Variants in CNTNAP4 observed in about 807,000 individuals in gnomAD.
The protein encoded by CNTNAP4 is contactin-associated protein-like 4.
Under a neutral mutation model 148.4 loss-of-function variants are expected in CNTNAP4, and 98 were observed. The ratio of observed to expected loss-of-function variants is 0.66; its 90% CI spans 0.56 to 0.78. CNTNAP4 has a LOEUF of 0.78. CNTNAP4 is among the 30% of genes least tolerant of loss of function. The pLI, the probability that CNTNAP4 is intolerant of heterozygous loss-of-function variation, is 0.00. For synonymous variants in CNTNAP4, 730 were observed against 565.1 expected (o/e 1.29, Z -4.14); for missense variants, 1,935 against 1,565.6 (o/e 1.24, Z -3.98).
intron 3 of CNTNAP4, among the ~76,000 whole-genome samples, chr16:76,424,012 A>G (rs2079286197): frequency 6.6e-6 from 1 of 152,098 alleles, no homozygotes; most frequent in African/African-American, 2.4e-5. Context: ...CCAACCTCAC[A>G]ATTTTCCTTA....
intron 15 of CNTNAP4, among the ~76,000 whole-genome samples, chr16:76,515,010 G>C (rs1294897392): frequency 2.0e-5 from 3 of 152,074 alleles, no homozygotes; most frequent in African/African-American, 4.8e-5. Context: ...ATTTCCTGTA[G>C]GGCTAGGAAA....
At chr16:76,474,190 C>T (rs911101746) in intron 10 of CNTNAP4, among the ~76,000 whole-genome samples, 1 of 152,170 alleles carries the variant, frequency 6.6e-6, no homozygotes, top group African/African-American at 2.4e-5. Flanking sequence ...CCTACCTCCC[C>T]AGAGACTGGG....
At chr16:76,335,276 C>G (rs936472189) in intron 2 of CNTNAP4, among the ~76,000 whole-genome samples, 1 of 152,110 alleles carries the variant, frequency 6.6e-6, no homozygotes, top group East Asian at 1.9e-4. Flanking sequence ...GAGGCTATTT[C>G]TATGTGTGAG....
At chr16:76,522,586 C>G (rs967614470) in intron 17 of CNTNAP4, among the ~76,000 whole-genome samples, 1 of 124,222 alleles carries the variant, frequency 8.1e-6, no homozygotes, top group Non-Finnish European at 1.7e-5. Context: ...TCCTTTCTTT[C>G]TCTCTCTCTC....
At chr16:76,306,139 T>C (rs1960457243) in intron 1 of CNTNAP4, among the ~76,000 whole-genome samples, 1 of 152,196 alleles carries the variant, frequency 6.6e-6, no homozygotes, top group African/African-American at 2.4e-5. Context: ...ATGTGTCTTT[T>C]TGGTATAAAG....
intron 1 of CNTNAP4, among the ~76,000 whole-genome samples, chr16:76,280,053 C>T (rs1958628671): frequency 6.6e-6 from 1 of 151,972 alleles, no homozygotes. Flanking sequence ...TTCTTCTGGA[C>T]AAGACTTTAT....
intron 1 of CNTNAP4, among the ~76,000 whole-genome samples, chr16:76,289,548 CA>C (rs1377108727): frequency 6.8e-6 from 1 of 145,990 alleles, no homozygotes; most frequent in Non-Finnish European, 1.5e-5. Flanking sequence ...TTTTTACCAG[CA>C]TTAATGAGTT....
At chr16:76,483,506 C>T (rs2081917030) in intron 12 of CNTNAP4, among the ~76,000 whole-genome samples, 2 of 152,280 alleles carry the variant, frequency 1.3e-5, no homozygotes, top group South Asian at 2.1e-4. Flanking sequence ...ACATTGAGCT[C>T]ATGGCCAAGA....
At chr16:76,329,766 A>G (rs1319757773) in intron 2 of CNTNAP4, among the ~76,000 whole-genome samples, 1 of 152,228 alleles carries the variant, frequency 6.6e-6, no homozygotes, top group Non-Finnish European at 1.5e-5. Context: ...GTATAAAATA[A>G]AAGGGACACA....
chr16:76,521,280 A>G lies in CNTNAP4; in HGVS notation c.2506A>G (p.Ile836Val), dbSNP rs112577515. The change falls in exon 16 of 24, where the codon ATT becomes GTT. Residue 836 changes from isoleucine to valine, a missense_variant. Physicochemically the swap from Ile to Val is conservative, Grantham distance 29. Coordinates refer to ENST00000611870, the MANE Select transcript of CNTNAP4 (RefSeq NM_033401.5). Reference protein sequence around the residue: ...SSGVFLENLGIADFIRIELRS... With the variant: ...SSGVFLENLGVADFIRIELRS... ...TGGGGTATTTTTAGAGAACTTGGGG[A>G]TTGCTGATTTTATACGGATAGAGCT... The G allele has an allele frequency of 8.7e-6, 14 of 1,611,838 alleles. No homozygotes were observed. The highest frequency in any genetic ancestry group is 1.2e-5 in the Non-Finnish European group (14 of 1,179,210).
At chr16:76,329,307 C>G (rs866212837) in intron 2 of CNTNAP4, among the ~76,000 whole-genome samples, 1 of 152,156 alleles carries the variant, frequency 6.6e-6, no homozygotes. Context: ...CTCAGTGGAG[C>G]TTGCTTTGTC....
rs10622949 is a variant in CNTNAP4, at chr16:76,484,275, GAAAAAAAA to G, written c.1882+4750_1882+4757del. Among the ~76,000 whole-genome samples, 11 of 71,228 alleles carry G rather than the reference GAAAAAAAA, an allele frequency of 1.5e-4. 1 individual carries two copies. The highest frequency in any genetic ancestry group is 6.2e-4 in the African/African-American group (11 of 17,718). 46.7% of individuals were successfully genotyped at this position (71,228 alleles called of 152,430 possible). On this transcript the variant is annotated intron_variant, in intron 12 of 23. Transcript: ENST00000611870. ...CATAGATCCCAAAGAGGAGAGAAAT[GAAAAAAAA>G]AAAAAAAAAAAAGACTGGAGTCACT...
intron 15 of CNTNAP4, among the ~76,000 whole-genome samples, chr16:76,517,060 A>G (rs1267238011): frequency 6.6e-6 from 1 of 152,208 alleles, no homozygotes; most frequent in Non-Finnish European, 1.5e-5. Context: ...GAATCTGTCA[A>G]AAACAAAAAT....
intron 4 of CNTNAP4, among the ~76,000 whole-genome samples, chr16:76,432,908 C>G (rs940898019): frequency 6.6e-6 from 1 of 152,102 alleles, no homozygotes; most frequent in Non-Finnish European, 1.5e-5. Flanking sequence ...TTTTTCTAGC[C>G]TTAGGGTTTC....
rs1220482671 is a variant in CNTNAP4 at position 76,538,268 on chromosome 16, C to T, written c.3148C>T (p.Arg1050Ter). The T allele has an allele frequency of 3.7e-6, 6 of 1,610,542 alleles. No individual in the cohort carries two copies. The highest frequency in any genetic ancestry group is 1.3e-5 in the African/African-American group (1 of 74,744). Residue 1050 changes from arginine to a stop codon, truncating the protein, a stop_gained, in exon 19 of 24, where the codon CGA becomes TGA. Transcript: ENST00000611870. LOFTEE classifies it high-confidence loss of function. The part of the protein sequence containing the change: ...EMIKFSFRTT[R>*]TPSLLLFVSS... ...GATCAAATTTAGTTTCCGAACAACACGAACACCAAGCTTGCTGCTTTTTGT... is the reference window on the plus strand; with the variant it reads ...GATCAAATTTAGTTTCCGAACAACATGAACACCAAGCTTGCTGCTTTTTGT...
At chr16:76,390,099 T>TGGGG (rs1223265295) in intron 3 of CNTNAP4, among the ~76,000 whole-genome samples, 1 of 152,162 alleles carries the variant, frequency 6.6e-6, no homozygotes, top group Non-Finnish European at 1.5e-5. Flanking sequence ...GCAAGGGAGC[T>TGGGG]GGGGTATTTA....
intron 12 of CNTNAP4, among the ~76,000 whole-genome samples, chr16:76,479,978 A>G (rs1271146986): frequency 2.0e-5 from 3 of 152,160 alleles, no homozygotes; most frequent in Non-Finnish European, 4.4e-5. Context: ...ACACTCAACA[A>G]ATTACCAATA....
At chr16:76,503,571 C>T (rs2082730226) in intron 15 of CNTNAP4, among the ~76,000 whole-genome samples, 3 of 152,026 alleles carry the variant, frequency 2.0e-5, no homozygotes, top group African/African-American at 7.2e-5. Flanking sequence ...GGTACATGTG[C>T]ACAATGTGCA....
At chr16:76,318,772 CAT>C (rs1962092881) in intron 2 of CNTNAP4, among the ~76,000 whole-genome samples, 1 of 146,802 alleles carries the variant, frequency 6.8e-6, no homozygotes, top group South Asian at 2.1e-4. Context: ...TAATAATAAT[CAT>C]AATCATAATA....
Sources: allele counts gnomAD v4.1 joint callset (sites outside exome capture counted in the v4.1 genomes callset), GRCh38; gene constraint gnomAD v4.1.1; transcripts MANE v1.5; gene names NCBI Gene and HGNC (gene_info 2026-07-23, HGNC 2026-07-21).